ASCC2: variants seen among roughly 807,000 people sequenced by gnomAD.
The protein encoded by ASCC2 is activating signal cointegrator 1 complex subunit 2.
A neutral mutation model predicts 93.5 loss-of-function variants in ASCC2; 42 were observed. The observed-to-expected ratio is 0.45, with a 90% CI of 0.35 to 0.58. ASCC2 has a LOEUF of 0.58. ASCC2 is among the 20% of genes least tolerant of loss of function. The pLI, the probability that ASCC2 is intolerant of heterozygous loss-of-function variation, is 0.00. For synonymous variants in ASCC2, 364 were observed against 384.2 expected (o/e 0.95, Z 0.62); for missense variants, 859 against 977.6 (o/e 0.88, Z 1.62).
At position 29,819,229 on chromosome 22, in the gene ASCC2, C is replaced by T. The variant is rs186703713; in HGVS notation, c.541+3106G>A. Among the ~76,000 whole-genome samples, 505 of 152,162 alleles carry T rather than the reference C, an allele frequency of 3.3e-3. 3 individuals are homozygous for T. The highest frequency in any genetic ancestry group is 0.012 in the African/African-American group (487 of 41,492). ...AGGCTGGAGTGCAATGGCACAATCT[C>T]GGCTCGCTGCAACCTCCGCCTCCCA... On this transcript the variant is annotated intron_variant, in intron 5 of 19. Coordinates refer to ENST00000307790, the MANE Select transcript of ASCC2 (RefSeq NM_032204.5).
intron 5 of ASCC2, 36 bp downstream of exon 5, chr22:29,822,299 T>A: frequency 6.2e-7 from 1 of 1,610,666 alleles, no homozygotes; most frequent in African/African-American, 1.3e-5. Flanking sequence ...GTGGGGGCCA[T>A]CTTGGTGCAT....
chr22:29,822,875 A>G (rs2061759793), intron 4 of ASCC2, among the ~76,000 whole-genome samples: 1 of 150,792 alleles, frequency 6.6e-6, no homozygotes, highest in Non-Finnish European at 1.5e-5. Context: ...ACGTGCCACA[A>G]CGCCTGGCTA....
chr22:29,808,921 A>C (rs907572133), intron 8 of ASCC2, among the ~76,000 whole-genome samples: 10 of 151,996 alleles, frequency 6.6e-5, no homozygotes, highest in Non-Finnish European at 1.0e-4. Flanking sequence ...GGAGTTTGAG[A>C]CCAGCCTGGC....
intron 2 of ASCC2, among the ~76,000 whole-genome samples, chr22:29,831,875 A>G (rs1022166654): frequency 3.3e-5 from 5 of 152,224 alleles, no homozygotes; most frequent in Non-Finnish European, 5.9e-5. Context: ...CAGCTTAGAT[A>G]GCTCTGAAAA....
chr22:29,819,097 C>T (rs2061246119), intron 5 of ASCC2, among the ~76,000 whole-genome samples: 1 of 152,208 alleles, frequency 6.6e-6, no homozygotes, highest in Admixed American at 6.5e-5. Context: ...AGAGCTCATG[C>T]TTACCAATGG....
chr22:29,806,716 G>A (rs1354756257), intron 10 of ASCC2, 81 bp downstream of exon 10: 2 of 1,458,082 alleles, frequency 1.4e-6, no homozygotes, highest in African/African-American at 2.8e-5. Flanking sequence ...AGTGGAGGAA[G>A]CCAAGATGAA....
intron 15 of ASCC2, among the ~76,000 whole-genome samples, chr22:29,798,077 AAC>A (rs897922995): frequency 2.6e-5 from 4 of 152,072 alleles, no homozygotes; most frequent in African/African-American, 9.7e-5. Flanking sequence ...ATATTTTTAG[AAC>A]ACATGTTGTC....
chr22:29,818,828 CCA>C (rs978121498), intron 5 of ASCC2, among the ~76,000 whole-genome samples: 129 of 152,272 alleles, frequency 8.5e-4, no homozygotes, highest in African/African-American at 3.0e-3. Context: ...CTCCCACCTC[CCA>C]AAGGGCCTTT....
intron 12 of ASCC2, among the ~76,000 whole-genome samples, chr22:29,805,689 CGT>C (rs1453249663): frequency 6.6e-6 from 1 of 152,152 alleles, no homozygotes; most frequent in African/African-American, 2.4e-5. Context: ...ACTCTATACA[CGT>C]CTGTGGCTCT....
chr22:29,837,949 TG>T (rs2064064141), intron 1 of ASCC2, among the ~76,000 whole-genome samples: 1 of 152,156 alleles, frequency 6.6e-6, no homozygotes, highest in Non-Finnish European at 1.5e-5. Flanking sequence ...TGTGAGGACG[TG>T]GGGGGATCGT....
At chr22:29,818,484 G>A (rs1049992480) in intron 5 of ASCC2, among the ~76,000 whole-genome samples, 3 of 98,728 alleles carry the variant, frequency 3.0e-5, no homozygotes, top group Non-Finnish European at 4.4e-5. Flanking sequence ...ACACAGTGAA[G>A]GGGCTCCTGA....
chr22:29,811,053 C>T (rs1272281189), intron 8 of ASCC2, among the ~76,000 whole-genome samples: 1 of 151,896 alleles, frequency 6.6e-6, no homozygotes, highest in Non-Finnish European at 1.5e-5. Context: ...TTTTGTATAG[C>T]AAACAACTGA....
chr22:29,796,106 C>T (rs963416778), intron 15 of ASCC2, among the ~76,000 whole-genome samples: 10 of 151,558 alleles, frequency 6.6e-5, no homozygotes, highest in African/African-American at 2.4e-4. Flanking sequence ...GTTTGCCTCC[C>T]TTCACATCTT....
intron 8 of ASCC2, 128 bp downstream of exon 8, chr22:29,813,302 A>T: frequency 1.4e-6 from 1 of 689,998 alleles, no homozygotes; most frequent in Non-Finnish European, 2.5e-6. Flanking sequence ...TCACTGCTGC[A>T]TCCCCAGGCT....
chr22:29,816,784 CGAGAGAGGGAGAGAGG>C (rs540530782), intron 5 of ASCC2: 1 of 122,594 alleles, frequency 8.2e-6, no homozygotes, highest in Non-Finnish European at 1.6e-5. Context: ...GCCCAAATGG[CGAGAGAGGGAGAGAGG>C]GAGAGAGGGA....
chr22:29,814,835 A>C (rs2060655600), intron 6 of ASCC2, 68 bp from the exon 7 acceptor site: 1 of 1,317,042 alleles, frequency 7.6e-7, no homozygotes, highest in African/African-American at 1.5e-5. Flanking sequence ...GGCAGCAGCC[A>C]GGGTCAGGTG....
intron 5 of ASCC2, among the ~76,000 whole-genome samples, chr22:29,816,293 C>T (rs2060845305): frequency 6.6e-6 from 1 of 152,160 alleles, no homozygotes; most frequent in Non-Finnish European, 1.5e-5. Flanking sequence ...GGACCTTGCT[C>T]AGTATGATTT....
chr22:29,826,705 C>T (rs1461194382), intron 2 of ASCC2, among the ~76,000 whole-genome samples: 3 of 152,070 alleles, frequency 2.0e-5, no homozygotes, highest in East Asian at 1.9e-4. Context: ...AGGTGAGCTG[C>T]CTGGGACTAC....
intron 14 of ASCC2, among the ~76,000 whole-genome samples, 200 bp downstream of exon 14, chr22:29,801,794 C>T (rs1405724039): frequency 6.6e-6 from 1 of 152,158 alleles, no homozygotes. Context: ...TGTGTACACT[C>T]TCTGCCCTGC....
Sources: allele counts gnomAD v4.1 joint callset (sites outside exome capture counted in the v4.1 genomes callset), GRCh38; gene constraint gnomAD v4.1.1; transcripts MANE v1.5; gene names NCBI Gene and HGNC (gene_info 2026-07-23, HGNC 2026-07-21).